The following ZFHX3 variants were observed in gnomAD, a reference collection of about 807,000 sequenced individuals.
ZFHX3 encodes zinc finger homeobox 3.
In ZFHX3, 42 loss-of-function variants were observed where a neutral mutation model predicts 279.1. That is an observed-to-expected ratio of 0.15 (90% CI 0.12 to 0.19). ZFHX3 has a LOEUF of 0.19. Among genes scored for constraint, ZFHX3 ranks in the 10% least tolerant of loss-of-function variants. The pLI is 1.00. For synonymous variants in ZFHX3, 2,293 were observed against 1,957.8 expected, an observed-to-expected ratio of 1.17 and a Z score of -4.52; for missense variants, 4,981 against 4,754.0, an observed-to-expected ratio of 1.05 and a Z score of -1.40.
intron 3 of ZFHX3, among the ~76,000 whole-genome samples, chr16:73,431,990 C>T (rs1045931470): frequency 6.6e-6 from 1 of 152,152 alleles, no homozygotes; most frequent in Non-Finnish European, 1.5e-5. Context: ...GCGTGTTGCT[C>T]TCTTATACCA....
intron 4 of ZFHX3, among the ~76,000 whole-genome samples, chr16:73,280,107 TA>T (rs2014419857): frequency 6.6e-6 from 1 of 152,080 alleles, no homozygotes; most frequent in Admixed American, 6.5e-5. Flanking sequence ...GACACCATAC[TA>T]AAAAAATCAA....
At chr16:73,396,429 T>A (rs988133227) in intron 3 of ZFHX3, among the ~76,000 whole-genome samples, 6 of 151,862 alleles carry the variant, frequency 4.0e-5, no homozygotes, top group African/African-American at 7.3e-5. Flanking sequence ...TCATTTATTT[T>A]TTTTCATTCA....
chr16:72,969,702 A>C (rs1439439221), intron 1 of ZFHX3, among the ~76,000 whole-genome samples: 4 of 152,254 alleles, frequency 2.6e-5, no homozygotes, highest in African/African-American at 7.2e-5. Flanking sequence ...TTCAAGGGTC[A>C]AAGAAATAAT....
intron 2 of ZFHX3, among the ~76,000 whole-genome samples, chr16:73,606,486 CA>C (rs57861119): frequency 0.77 from 103,630 of 133,840 alleles, 38,829 homozygotes; most frequent in Middle Eastern, 0.89. Context: ...GACTTTGTCT[CA>C]AAAAAAAAAA....
At chr16:73,730,151 C>T (rs9930709) in intron 1 of ZFHX3, among the ~76,000 whole-genome samples, 9,070 of 152,040 alleles carry the variant, frequency 0.06, 352 homozygotes, top group African/African-American at 0.1. Context: ...TTTTCTGACT[C>T]TCCACAATCA....
chr16:73,650,258 T>C (rs916819753), intron 2 of ZFHX3, among the ~76,000 whole-genome samples: 1 of 150,916 alleles, frequency 6.6e-6, no homozygotes, highest in Non-Finnish European at 1.5e-5. Flanking sequence ...GCAAAAAAAT[T>C]AGCTCAAAAT....
intron 2 of ZFHX3, among the ~76,000 whole-genome samples, chr16:73,578,396 A>AC (rs2051823574): frequency 6.6e-6 from 1 of 151,438 alleles, no homozygotes; most frequent in Non-Finnish European, 1.5e-5. Context: ...AAAAAAAAAA[A>AC]CAAAGGGAAG....
chr16:73,712,493 C>A (rs918488072), intron 1 of ZFHX3, among the ~76,000 whole-genome samples: 1 of 152,194 alleles, frequency 6.6e-6, no homozygotes, highest in Non-Finnish European at 1.5e-5. Context: ...CCAGTTTGCT[C>A]AGGGAGCACA....
chr16:73,762,263 C>A (rs565173242), intron 1 of ZFHX3, among the ~76,000 whole-genome samples: 52 of 152,186 alleles, frequency 3.4e-4, no homozygotes, highest in African/African-American at 1.2e-3. Context: ...TAGAGAAATG[C>A]AAATCAAAAC....
Position 72,783,183 on chromosome 16 carries a change from G to GTTTTTTTTTTT in ZFHX3, c.*3980_*3981insAAAAAAAAAAA, listed in dbSNP as rs1182942098. ...TTTCACTTGCTCTATTTTTTTTGTTGTTTTTTGTTTTTTTTTCTTTTTGTA... is the reference window on the plus strand; with the variant it reads ...TTTCACTTGCTCTATTTTTTTTGTTGTTTTTTTTTTTTTTTTTGTTTTTTTTTCTTTTTGTA... On this transcript the variant is annotated 3_prime_UTR_variant, in exon 10 of 10. Transcript: ENST00000268489. 6.6e-6 allele frequency: 1 copy of GTTTTTTTTTTT among 151,290 alleles called. No individual in the cohort carries two copies. The highest frequency in any genetic ancestry group is 2.4e-5 in the African/African-American group (1 of 40,916). 9.4% of individuals were successfully genotyped at this position (151,290 alleles called of 1,614,324 possible). A position where few individuals can be genotyped will look rare whatever the true frequency, so the allele number is the denominator to read the frequency against.
chr16:73,232,015 C>G (rs1441405290), intron 5 of ZFHX3: 1 of 152,180 alleles, frequency 6.6e-6, no homozygotes, highest in African/African-American at 2.4e-5. Context: ...CAGTGCTGGC[C>G]CGCAGCCAAG....
At chr16:72,882,313 C>A (rs2038498714) in intron 4 of ZFHX3, among the ~76,000 whole-genome samples, 2 of 151,936 alleles carry the variant, frequency 1.3e-5, no homozygotes, top group African/African-American at 4.8e-5. Flanking sequence ...CAGCCTGGAG[C>A]CCTTGACCAA....
chr16:72,971,165 A>G (rs1010013030), intron 1 of ZFHX3, among the ~76,000 whole-genome samples: 2 of 152,244 alleles, frequency 1.3e-5, no homozygotes, highest in African/African-American at 2.4e-5. Flanking sequence ...AATATTCTTC[A>G]TAAGTTAAAA....
chr16:73,142,619 G>A (rs1966850502), intron 6 of ZFHX3, among the ~76,000 whole-genome samples: 1 of 152,228 alleles, frequency 6.6e-6, no homozygotes, highest in South Asian at 2.1e-4. Context: ...ATGCGTTAAT[G>A]AGTGCATGAC....
chr16:73,617,022 T>C (rs547971167), intron 2 of ZFHX3, among the ~76,000 whole-genome samples: 2 of 152,280 alleles, frequency 1.3e-5, no homozygotes, highest in South Asian at 2.1e-4. Flanking sequence ...ACTCGGCCAT[T>C]TTCTGTGTCA....
At chr16:73,616,551 C>A (rs2143894003) in intron 2 of ZFHX3, among the ~76,000 whole-genome samples, 1 of 151,224 alleles carries the variant, frequency 6.6e-6, no homozygotes, top group East Asian at 2.0e-4. Context: ...ACTAGTGGAC[C>A]TATTGTTCCT....
chr16:73,372,546 C>T (rs1404044179), intron 3 of ZFHX3, among the ~76,000 whole-genome samples: 1 of 152,126 alleles, frequency 6.6e-6, no homozygotes, highest in African/African-American at 2.4e-5. Flanking sequence ...AAAGTTAATT[C>T]AAAGGTTTTA....
In ZFHX3 at chr16:73,887,216, G is replaced by C. The variant is rs374008335; in HGVS notation, c.-1608+4435C>G. 1.1e-4 allele frequency among the ~76,000 whole-genome samples: 17 copies of C among 152,292 alleles called. No homozygotes were observed. The East Asian group carries it at 2.9e-3, about 26-fold the overall frequency. On this transcript the variant is annotated intron_variant, in intron 1 of 17. Transcript: ENST00000641206. ...ACCTTATTCACAGAGATCTCTAGCTGTGACAGCGTGTTGGCGGCAAAGCAA... is the reference window on the plus strand; with the variant it reads ...ACCTTATTCACAGAGATCTCTAGCTCTGACAGCGTGTTGGCGGCAAAGCAA...
In ZFHX3 at chr16:72,796,800, T is replaced by G. The variant is rs1182318742; in HGVS notation, c.5882A>C (p.Asn1961Thr). 1 of 1,613,380 alleles carries G rather than the reference T, an allele frequency of 6.2e-7. No homozygotes were observed. Among genetic ancestry groups the G allele is most frequent in the South Asian group, 1.1e-5 (1 of 91,022 alleles). ...NFGFELVIQYNENKQKVQKKN... is the reference protein window; with the variant it reads ...NFGFELVIQYTENKQKVQKKN... ...TTTCTGCACCTTCTGCTTGTTCTCA[T>G]TATACTGGATGACCAACTCAAAGCC... The change falls in exon 9 of 10, where the codon AAT becomes ACT. Residue 1961 changes from asparagine to threonine, a missense_variant. Asn to Thr is a moderately conservative substitution (Grantham distance 65). This residue lies in a region of ZFHX3 where 1,751 missense variants were observed against 1,770.0 expected (regional missense o/e 0.99). Transcript: ENST00000268489.
Sources: gnomAD v4.1 joint callset for allele counts (sites outside exome capture counted in the v4.1 genomes callset) on GRCh38, gnomAD v4.1.1 for gene constraint, gnomAD v4.1.1 regional missense constraint, MANE v1.5 for transcripts, NCBI Gene and HGNC (gene_info 2026-07-23, HGNC 2026-07-21) for gene names.